THSD7A: variants seen among roughly 807,000 people sequenced by gnomAD.
THSD7A encodes thrombospondin type 1 domain containing 7A, also known as thrombospondin type-1 domain-containing protein 7A.
A neutral mutation model predicts 231.3 loss-of-function variants in THSD7A; 96 were observed. That is an observed-to-expected ratio of 0.41 (90% CI 0.35 to 0.49). The LOEUF (loss-of-function observed/expected upper bound fraction) is 0.49. Among genes scored for constraint, THSD7A ranks in the 20% least tolerant of loss-of-function variants. The pLI, the probability that THSD7A is intolerant of heterozygous loss-of-function variation, is 0.05. For synonymous variants in THSD7A, 940 were observed against 743.3 expected (o/e 1.26, Z -4.30); for missense variants, 2,290 against 2,070.2 (o/e 1.11, Z -2.06).
At chr7:11,694,443 T>C (rs755783708) in intron 1 of THSD7A, among the ~76,000 whole-genome samples, 3 of 151,560 alleles carry the variant, frequency 2.0e-5, no homozygotes, top group Non-Finnish European at 4.4e-5. Context: ...CTATTCTATC[T>C]CCATTGTAGA....
At chr7:11,672,292 G>C (rs1477727287) in intron 1 of THSD7A, among the ~76,000 whole-genome samples, 1 of 151,996 alleles carries the variant, frequency 6.6e-6, no homozygotes, top group African/African-American at 2.4e-5. Context: ...CTTTTTGGTT[G>C]ATATATTATT....
chr7:11,572,639 C>G (rs186864010), intron 4 of THSD7A, among the ~76,000 whole-genome samples: 108 of 152,172 alleles, frequency 7.1e-4, no homozygotes, highest in Middle Eastern at 6.8e-3. Context: ...TCCTGAATAC[C>G]TGGGACTACA....
At chr7:11,517,270 G>T (rs2128314977) in intron 6 of THSD7A, among the ~76,000 whole-genome samples, 1 of 152,096 alleles carries the variant, frequency 6.6e-6, no homozygotes, top group South Asian at 2.1e-4. Flanking sequence ...AGTAGAGACG[G>T]GGTTTCACTA....
In THSD7A at chr7:11,444,783, C is replaced by CTGTGTGTG. The variant is rs34985878; in HGVS notation, c.3064+1270_3064+1277dup. ...AAGAGAGGGGGCACAGTTGTCTGCT[C>CTGTGTGTG]TGTGTGTGTGTGTGTGTGTGTGTGT... On this transcript the variant is annotated intron_variant, in intron 13 of 27. Coordinates refer to ENST00000423059, the MANE Select transcript of THSD7A (RefSeq NM_015204.3). The surrounding 1 kb of genome is among the most constrained non-coding windows in gnomAD (Gnocchi z 4.2). 4.8e-5 allele frequency among the ~76,000 whole-genome samples: 7 copies of CTGTGTGTG among 144,568 alleles called. No individual in the cohort carries two copies. In the East Asian group the frequency reaches 1.4e-3, roughly 29 times the overall value. The allele number at this position is 144,568 out of a possible 152,430, so 94.8% of individuals were successfully genotyped here. A position where few individuals can be genotyped will look rare whatever the true frequency, so the allele number is the denominator to read the frequency against.
chr7:11,555,968 T>C (rs1162287153), intron 4 of THSD7A, among the ~76,000 whole-genome samples: 2 of 151,864 alleles, frequency 1.3e-5, no homozygotes, highest in African/African-American at 4.8e-5. Flanking sequence ...GCATATAACA[T>C]TATATTTGAA....
Position 11,374,222 on chromosome 7 carries a change from T to C in THSD7A, c.*1572A>G, listed in dbSNP as rs540422621. The C allele has an allele frequency of 1.3e-5, 2 of 152,288 alleles. No homozygotes were observed. The highest frequency in any genetic ancestry group is 3.9e-4 in the East Asian group (2 of 5,188). 9.4% of individuals were successfully genotyped at this position (152,288 alleles called of 1,614,324 possible). The stretch of plus-strand genomic sequence containing the variant: ...AGGAAAACAGTTATGTTCATTCTTT[T>C]ATTTACTAAGATTGCATTAGCAGAA... On this transcript the variant is annotated 3_prime_UTR_variant, in exon 28 of 28. Transcript: ENST00000423059.
intron 1 of THSD7A, among the ~76,000 whole-genome samples, chr7:11,731,899 A>G (rs1002608024): frequency 3.3e-5 from 5 of 151,806 alleles, no homozygotes; most frequent in African/African-American, 1.2e-4. Context: ...TTTAATTGTT[A>G]TCAAAATTAC....
chr7:11,692,279 T>G (rs1780256369), intron 1 of THSD7A, among the ~76,000 whole-genome samples: 1 of 151,622 alleles, frequency 6.6e-6, no homozygotes, highest in Non-Finnish European at 1.5e-5. Flanking sequence ...TATGGAAGCA[T>G]GCATTTACAG....
rs935742749 is a variant in THSD7A, at chr7:11,831,977, C to T, written c.-31G>A. 4.1e-6 allele frequency: 5 copies of T among 1,217,450 alleles called. No individual in the cohort carries two copies. The African/African-American group carries it at 6.3e-5, about 15-fold the overall frequency. 75.4% of individuals were successfully genotyped at this position (1,217,450 alleles called of 1,614,324 possible). ...CTGCAGCCACTCCAGGGTCCAGAGC[C>T]GTAGCACGCTCGGCAGGGAATTTTT... On this transcript the variant is annotated 5_prime_UTR_variant, in exon 1 of 28. Transcript: ENST00000423059. This position sits in a 1 kb window ranked among gnomAD's most constrained non-coding sequence, Gnocchi z 5.0.
At chr7:11,465,856 G>A (rs1236598757) in intron 9 of THSD7A, among the ~76,000 whole-genome samples, 1 of 152,038 alleles carries the variant, frequency 6.6e-6, no homozygotes, top group Non-Finnish European at 1.5e-5. Flanking sequence ...TAAAATTAGA[G>A]GTACAAATAA....
intron 13 of THSD7A, among the ~76,000 whole-genome samples, chr7:11,434,378 A>T (rs1270648218): frequency 1.3e-5 from 2 of 150,960 alleles, no homozygotes; most frequent in African/African-American, 4.9e-5. Context: ...ATAAATACAA[A>T]AGACTAGCAG....
chr7:11,409,143 TAGGAA>T (rs1391250921), intron 19 of THSD7A, among the ~76,000 whole-genome samples: 1 of 152,074 alleles, frequency 6.6e-6, no homozygotes. Context: ...ATCTAAGAAA[TAGGAA>T]AGAAAAAACC....
At chr7:11,470,238 T>A (rs756646396) in intron 8 of THSD7A, among the ~76,000 whole-genome samples, 3 of 152,090 alleles carry the variant, frequency 2.0e-5, no homozygotes, top group Non-Finnish European at 4.4e-5. Flanking sequence ...AATAATGCTA[T>A]TTAGAAACAA....
intron 1 of THSD7A, among the ~76,000 whole-genome samples, chr7:11,677,334 C>T (rs1436968285): frequency 6.6e-6 from 1 of 151,822 alleles, no homozygotes; most frequent in East Asian, 1.9e-4. Context: ...TAAAGACCAT[C>T]AAAACTATGA....
intron 1 of THSD7A, among the ~76,000 whole-genome samples, chr7:11,776,514 G>A (rs1562547327): frequency 6.6e-6 from 1 of 152,070 alleles, no homozygotes; most frequent in Admixed American, 6.6e-5. Flanking sequence ...CATTATAAAG[G>A]TTTCATTTTC....
chr7:11,540,648 T>C (rs1789106314), intron 6 of THSD7A, among the ~76,000 whole-genome samples: 1 of 152,140 alleles, frequency 6.6e-6, no homozygotes, highest in Admixed American at 6.5e-5. Flanking sequence ...GGGGGAGTCT[T>C]GTGGTTTTCA....
rs372569574 is a variant in THSD7A, at chr7:11,593,364, T to C, written c.1161A>G (p.Val387=). The C allele has an allele frequency of 2.5e-6, 4 of 1,614,044 alleles. No homozygotes were observed. Among genetic ancestry groups the C allele is most frequent in the Non-Finnish European group, 1.7e-6 (2 of 1,179,896 alleles). Residue 387 remains valine (V), a synonymous_variant, in exon 3 of 28, where the codon GTA becomes GTG. Transcript: ENST00000423059. ...GAAACTGCCTGATGGTTCGTGTCCT[T>C]ACACGAGTGCCTGCAGGGGACACCA... ...HDMVSPAGTR[V]RTRTIRQFPI...
intron 1 of THSD7A, among the ~76,000 whole-genome samples, chr7:11,726,724 T>G (rs1781560763): frequency 6.6e-6 from 1 of 152,064 alleles, no homozygotes; most frequent in Admixed American, 6.6e-5. Flanking sequence ...GCAAATACCA[T>G]GTGAATCCTG....
In THSD7A at chr7:11,371,216, TA is replaced by T. The variant is rs1782040159; in HGVS notation, c.*4577del. 6.6e-6 allele frequency: 1 copy of T among 152,220 alleles called. No individual in the cohort carries two copies. Among genetic ancestry groups the T allele is most frequent in the Admixed American group, 6.5e-5 (1 of 15,268 alleles). 9.4% of individuals were successfully genotyped at this position (152,220 alleles called of 1,614,324 possible). A position where few individuals can be genotyped will look rare whatever the true frequency, so the allele number is the denominator to read the frequency against. The stretch of plus-strand genomic sequence containing the variant: ...CATTTTTCATTGTCCCTGCTAGATA[TA>T]AAATTATTATAACACACTGCAAACC... On this transcript the variant is annotated 3_prime_UTR_variant, in exon 28 of 28. Transcript: ENST00000423059.
Sources: gnomAD v4.1 joint callset for allele counts (sites outside exome capture counted in the v4.1 genomes callset) on GRCh38, gnomAD v4.1.1 for gene constraint, Gnocchi (gnomAD v3.1) non-coding constraint, MANE v1.5 for transcripts, NCBI Gene and HGNC (gene_info 2026-07-23, HGNC 2026-07-21) for gene names.